The following RC3H2 variants were observed in gnomAD, a reference collection of about 807,000 sequenced individuals.
The protein encoded by RC3H2 is roquin-2.
RC3H2 carries 31 observed loss-of-function variants against 133.3 expected under a neutral mutation model. That is an observed-to-expected ratio of 0.23 (90% CI 0.17 to 0.31). The LOEUF (loss-of-function observed/expected upper bound fraction) is 0.31, where lower values mean the gene tolerates loss of function less well. RC3H2 is among the 10% of genes least tolerant of loss of function. The pLI is 1.00. For missense variants in RC3H2, 1,175 were observed against 1,437.2 expected (o/e 0.82, Z 2.95); for synonymous variants, 517 against 502.2 (o/e 1.03, Z -0.40).
At chr9:122,885,887 GT>G (rs560555796) in intron 4 of RC3H2, among the ~76,000 whole-genome samples, 3 of 150,824 alleles carry the variant, frequency 2.0e-5, no homozygotes, top group Non-Finnish European at 4.4e-5. Flanking sequence ...GTTTTGTTTT[GT>G]TTGTTTTGTT....
In RC3H2 at chr9:122,897,558, C is replaced by T. The variant is rs765517797; in HGVS notation, c.-49G>A. 1 of 1,570,070 alleles carries T rather than the reference C, an allele frequency of 6.4e-7. No homozygotes were observed. Among genetic ancestry groups the T allele is most frequent in the South Asian group, 1.2e-5 (1 of 86,714 alleles). On this transcript the variant is annotated 5_prime_UTR_variant, in exon 2 of 21. Transcript: ENST00000357244. ...AGCAGTCTAGCAGATCATTATTTTG[C>T]TGTGTAGTGTTTTGTAAGCTAGAAA... is the stretch of plus-strand genomic sequence containing the variant.
chr9:122,867,231 TGGGGGGATCAGCCCC>T, intron 9 of RC3H2, among the ~76,000 whole-genome samples: 1 of 74,074 alleles, frequency 1.3e-5, no homozygotes, highest in Non-Finnish European at 2.7e-5. Flanking sequence ...GGGAGGGAGG[TGGGGGGATCAGCCCC>T]CCGCCCGGCC....
chr9:122,859,869 A>C lies in RC3H2; in HGVS notation c.1849+48T>G, dbSNP rs199502221. The C allele has an allele frequency of 4.2e-6, 6 of 1,414,414 alleles. No homozygotes were observed. The African/African-American group carries it at 4.3e-5, about 10-fold the overall frequency. 87.6% of individuals were successfully genotyped at this position (1,414,414 alleles called of 1,614,324 possible). A position where few individuals can be genotyped will look rare whatever the true frequency, so the allele number is the denominator to read the frequency against. Reference sequence around the variant, plus strand: ...CTAGAACTATTCATTCATTTATCTAAAGGAAACAATGTTTCTTTTTTTCTT... The same window carrying C: ...CTAGAACTATTCATTCATTTATCTACAGGAAACAATGTTTCTTTTTTTCTT... On this transcript the variant is annotated intron_variant, in intron 11 of 20. Transcript: ENST00000357244.
chr9:122,853,819 T>C, intron 18 of RC3H2, 133 bp downstream of exon 18: 2 of 1,536,864 alleles, frequency 1.3e-6, no homozygotes, highest in Non-Finnish European at 1.8e-6. Context: ...TTATTTCTGT[T>C]ATAAGTTTTA....
At chr9:122,852,934 T>A (rs922915138) in intron 18 of RC3H2, among the ~76,000 whole-genome samples, 4 of 152,034 alleles carry the variant, frequency 2.6e-5, no homozygotes, top group African/African-American at 9.7e-5. Context: ...TTTTGTGGAA[T>A]AGAAAGGGGG....
intron 4 of RC3H2, among the ~76,000 whole-genome samples, chr9:122,887,607 C>T (rs1831973138): frequency 6.6e-6 from 1 of 152,146 alleles, no homozygotes; most frequent in South Asian, 2.1e-4. Flanking sequence ...TTATTCATCA[C>T]TTCTAAGCAT....
chr9:122,861,514 A>AG (rs1194550126), intron 10 of RC3H2, among the ~76,000 whole-genome samples: 15 of 5,594 alleles, frequency 2.7e-3, no homozygotes, highest in African/African-American at 3.1e-3. Context: ...AAAAAAGAAA[A>AG]GAAAAAAAAC....
In RC3H2 at chr9:122,857,996, G is replaced by A; in HGVS notation, c.2381C>T (p.Ser794Phe). 6.2e-7 allele frequency: 1 copy of A among 1,614,184 alleles called. No homozygotes were observed. The highest frequency in any genetic ancestry group is 8.5e-7 in the Non-Finnish European group (1 of 1,179,990). The change falls in exon 13 of 21, where the codon TCT becomes TTT. Residue 794 changes from serine (S) to phenylalanine (F), a missense_variant. This residue lies in a region of RC3H2 where 490 missense variants were observed against 492.8 expected (regional missense o/e 0.99). Coordinates refer to ENST00000357244, the MANE Select transcript of RC3H2 (RefSeq NM_001100588.3). The stretch of plus-strand genomic sequence containing the variant: ...CTGTGTTGCCACAGGAAGAGTTGAA[G>A]AGACAAGAGGTGCTTTCTGAGTGTG... ...QYHTQKAPLV[S>F]STLPVATQSP...
intron 9 of RC3H2, among the ~76,000 whole-genome samples, chr9:122,866,462 C>A (rs1158094292): frequency 6.7e-6 from 1 of 149,104 alleles, no homozygotes; most frequent in Non-Finnish European, 1.5e-5. Flanking sequence ...CGAGCCGAAG[C>A]TGGACTGTAC....
At chr9:122,865,866 A>C (rs541997129) in intron 9 of RC3H2, among the ~76,000 whole-genome samples, 20 of 151,962 alleles carry the variant, frequency 1.3e-4, no homozygotes, top group Admixed American at 9.9e-4. Flanking sequence ...CATATAATAT[A>C]CATGTAATTA....
At chr9:122,860,306 C>T (rs925260047) in intron 10 of RC3H2, among the ~76,000 whole-genome samples, 175 bp from the exon 11 acceptor site, 1 of 152,050 alleles carries the variant, frequency 6.6e-6, no homozygotes, top group African/African-American at 2.4e-5. Flanking sequence ...AGCTAATTCA[C>T]GTGATCATCG....
chr9:122,854,373 C>T, intron 16 of RC3H2, 107 bp from the exon 17 acceptor site: 2 of 1,206,116 alleles, frequency 1.7e-6, no homozygotes, highest in African/African-American at 1.5e-5. Flanking sequence ...AAACTTCACT[C>T]ATCGTTCCAA....
In RC3H2 at chr9:122,866,389, CCCACGG is replaced by C. The variant is rs1411001153; in HGVS notation, c.1326-738_1326-733del. ...CCCCTCCCCCTCCCCCCTCCCTCTC[CCCACGG>C]TCTCCCTCTCCCCACGGTCTCCCTC... On this transcript the variant is annotated intron_variant, in intron 9 of 20. Transcript: ENST00000357244. Among the ~76,000 whole-genome samples, 270 of 130,590 alleles carry C rather than the reference CCCACGG, an allele frequency of 2.1e-3. 1 individual carries two copies. Among genetic ancestry groups the C allele is most frequent in the Middle Eastern group, 0.018 (5 of 278 alleles). The allele number at this position is 130,590 out of a possible 152,430, so 85.7% of individuals were successfully genotyped here.
rs767040134 is a variant in RC3H2 at position 122,890,495 on chromosome 9, G to C, written c.400C>G (p.Leu134Val). 5 of 1,614,220 alleles carry C rather than the reference G, an allele frequency of 3.1e-6. No individual in the cohort carries two copies. The South Asian group carries it at 5.5e-5, about 18-fold the overall frequency. ...AGTTGACAGTTTACAAGTGTCACCAGTTTCCTTTGCATTGGACGGCTCAGT... is the reference window on the plus strand; with the variant it reads ...AGTTGACAGTTTACAAGTGTCACCACTTTCCTTTGCATTGGACGGCTCAGT... ...SALSRPMQRK[L>V]VTLVNCQLVE... The change falls in exon 4 of 21, where the codon CTG (leucine) becomes GTG (valine). Residue 134 changes from leucine (L) to valine (V), a missense_variant. Physicochemically the swap from Leu to Val is conservative, Grantham distance 32. Coordinates refer to ENST00000357244, the MANE Select transcript of RC3H2 (RefSeq NM_001100588.3).
At position 122,844,636 on chromosome 9, in the gene RC3H2, C is replaced by A. The variant is rs1484100735; in HGVS notation, c.*4991G>T. 6.6e-6 allele frequency: 1 copy of A among 152,212 alleles called. No individual in the cohort carries two copies. The highest frequency in any genetic ancestry group is 6.5e-5 in the Admixed American group (1 of 15,272). The allele number at this position is 152,212 out of a possible 1,614,324, so 9.4% of individuals were successfully genotyped here. On this transcript the variant is annotated 3_prime_UTR_variant, in exon 21 of 21. Coordinates refer to ENST00000357244, the MANE Select transcript of RC3H2 (RefSeq NM_001100588.3). ...CAAACTTTTTCCATCAATTTTCTCT[C>A]AAACACTGAAAATCATGATGCTCTA...
In RC3H2 at chr9:122,851,107, C is replaced by CT. The variant is rs771962602; in HGVS notation, c.3353dup (p.Ser1119GlufsTer4). 6.2e-7 allele frequency: 1 copy of CT among 1,614,182 alleles called. No homozygotes were observed. Among genetic ancestry groups the CT allele is most frequent in the South Asian group, 1.1e-5 (1 of 91,080 alleles). ...GAATCACATGGTCTTCACCTAAACT[C>CT]TGTTTCTTCTGCTTTGGTGGCTCCT... On this transcript the variant is annotated frameshift_variant, in exon 20 of 21. Coordinates refer to ENST00000357244, the MANE Select transcript of RC3H2 (RefSeq NM_001100588.3). LOFTEE classifies it high-confidence loss of function.
rs184864500 is a variant in RC3H2, at chr9:122,850,628, G to T, written c.3380+453C>A. 1.5e-3 allele frequency among the ~76,000 whole-genome samples: 227 copies of T among 151,878 alleles called. 1 individual carries two copies. Among genetic ancestry groups the T allele is most frequent in the Admixed American group, 0.013 (193 of 15,242 alleles). On this transcript the variant is annotated intron_variant, in intron 20 of 20. Coordinates refer to ENST00000357244, the MANE Select transcript of RC3H2 (RefSeq NM_001100588.3). ...CAGCTAATTTTTTTGTATTTTTGTA[G>T]AGACAGGGTTTCACTATGTTGGCCA...
chr9:122,855,499 T>A, intron 14 of RC3H2, 102 bp from the exon 15 acceptor site: 3 of 1,154,040 alleles, frequency 2.6e-6, no homozygotes, highest in Non-Finnish European at 3.8e-6. Flanking sequence ...TTGGTTAATT[T>A]AAAACTAGCT....
At position 122,858,941 on chromosome 9, in the gene RC3H2, G is replaced by C. The variant is rs1554768253; in HGVS notation, c.2011C>G (p.Pro671Ala). ...GGCTGCGGAGGAGGAGGCTGGTAAG[G>C]AGAAGAATTCATTCGATCTCGAGGG... The part of the protein sequence containing the change: ...FSPRDRMNSS[P>A]YQPPPPQPYG... Residue 671 changes from proline (P) to alanine (A), a missense_variant, in exon 12 of 21, where the codon CCT becomes GCT. Pro to Ala is a conservative substitution (Grantham distance 27). Around this residue, in one of 8 missense-constraint regions of RC3H2, gnomAD observed 490 missense variants for 492.8 expected, o/e 0.99. Coordinates refer to ENST00000357244, the MANE Select transcript of RC3H2 (RefSeq NM_001100588.3). 8.1e-6 allele frequency: 13 copies of C among 1,614,230 alleles called. No homozygotes were observed. The South Asian group carries it at 1.4e-4, about 18-fold the overall frequency.
Sources: gnomAD v4.1 joint callset for allele counts (sites outside exome capture counted in the v4.1 genomes callset) on GRCh38, gnomAD v4.1.1 for gene constraint, gnomAD v4.1.1 regional missense constraint, MANE v1.5 for transcripts, NCBI Gene and HGNC (gene_info 2026-07-23, HGNC 2026-07-21) for gene names.